ATP9A: variants seen among roughly 807,000 people sequenced by gnomAD.
The protein encoded by ATP9A is probable phospholipid-transporting ATPase IIA.
A neutral mutation model predicts 144.1 loss-of-function variants in ATP9A; 52 were observed. That is an observed-to-expected ratio of 0.36 (90% confidence interval 0.29 to 0.45). The LOEUF is 0.45. ATP9A is among the 20% of genes least tolerant of loss of function. The pLI is 1.00. For synonymous variants in ATP9A, 582 were observed against 557.4 expected (o/e 1.04, Z -0.62); for missense variants, 947 against 1,392.7 (o/e 0.68, Z 5.09).
intron 1 of ATP9A, among the ~76,000 whole-genome samples, chr20:51,739,349 C>CTTTT (rs749000986): frequency 7.4e-6 from 1 of 134,664 alleles, no homozygotes; most frequent in African/African-American, 2.7e-5. Context: ...TACACTCACT[C>CTTTT]TTTTTTTTTT....
intron 4 of ATP9A, among the ~76,000 whole-genome samples, chr20:51,701,080 A>G (rs1437736555): frequency 6.6e-6 from 1 of 152,136 alleles, no homozygotes; most frequent in Non-Finnish European, 1.5e-5. Flanking sequence ...AACTTTCCCA[A>G]ACATAAATTT....
At position 51,729,737 on chromosome 20, in the gene ATP9A, T is replaced by C. The variant is rs972952772; in HGVS notation, c.213+97A>G. 5.1e-6 allele frequency: 7 copies of C among 1,367,014 alleles called. No homozygotes were observed. In the African/African-American group the frequency reaches 9.1e-5, roughly 18 times the overall value. The allele number at this position is 1,367,014 out of a possible 1,614,324, so 84.7% of individuals were successfully genotyped here. On this transcript the variant is annotated intron_variant, in intron 2 of 27. Transcript: ENST00000338821. ...TCCAGCCTGGGCGACAGAGTAAGAC[T>C]CTGTCTAAAAAATAACATGACATGA...
At chr20:51,730,137 G>A (rs1425477514) in intron 1 of ATP9A, among the ~76,000 whole-genome samples, 159 bp from the exon 2 acceptor site, 2 of 152,212 alleles carry the variant, frequency 1.3e-5, no homozygotes, top group South Asian at 2.1e-4. Flanking sequence ...CAAGAAAACA[G>A]AGCAGAAGCT....
chr20:51,762,643 G>A (rs973740352), intron 1 of ATP9A, among the ~76,000 whole-genome samples: 13 of 150,750 alleles, frequency 8.6e-5, no homozygotes, highest in African/African-American at 3.2e-4. Flanking sequence ...TGGGTGACAA[G>A]AGCGAGACCC....
At chr20:51,703,728 T>C (rs1042801340) in intron 4 of ATP9A, among the ~76,000 whole-genome samples, 2 of 152,208 alleles carry the variant, frequency 1.3e-5, no homozygotes, top group African/African-American at 4.8e-5. Flanking sequence ...TCAGTCAAAC[T>C]GCAGAATAGC....
chr20:51,687,773 AAAAATGAATGAATGAAT>A (rs2077529601), intron 9 of ATP9A, among the ~76,000 whole-genome samples: 1 of 121,058 alleles, frequency 8.3e-6, no homozygotes, highest in Non-Finnish European at 1.9e-5. Flanking sequence ...CAAAAAAAAA[AAAAATGAATGAATGAAT>A]GAATGAATGA....
intron 10 of ATP9A, among the ~76,000 whole-genome samples, chr20:51,675,565 G>A (rs1009068922): frequency 1.3e-5 from 2 of 152,178 alleles, no homozygotes; most frequent in Non-Finnish European, 2.9e-5. Context: ...CAAACCGTAC[G>A]TGCTCCACAG....
At chr20:51,624,670 T>A (rs2077240585) in intron 18 of ATP9A, among the ~76,000 whole-genome samples, 1 of 151,886 alleles carries the variant, frequency 6.6e-6, no homozygotes, top group Non-Finnish European at 1.5e-5. Context: ...AGGGGAGTCA[T>A]CGGTACAGTA....
intron 21 of ATP9A, 106 bp downstream of exon 21, chr20:51,618,556 C>A (rs1337654684): frequency 1.4e-6 from 2 of 1,448,550 alleles, no homozygotes; most frequent in Non-Finnish European, 9.2e-7. Flanking sequence ...AACAAAGGGG[C>A]CTGGGGAATT....
chr20:51,723,163 C>T (rs1338006242), intron 3 of ATP9A, among the ~76,000 whole-genome samples: 4 of 152,142 alleles, frequency 2.6e-5, no homozygotes, highest in African/African-American at 9.7e-5. Flanking sequence ...GAAAACCAAA[C>T]ATCATATGTT....
Position 51,629,068 on chromosome 20 carries a change from T to C in ATP9A, c.1673A>G (p.Glu558Gly). The C allele has an allele frequency of 5.0e-6, 8 of 1,613,094 alleles. No homozygotes were observed. The highest frequency in any genetic ancestry group is 6.8e-6 in the Non-Finnish European group (8 of 1,179,036). Residue 558 changes from glutamate to glycine, a missense_variant, in exon 16 of 28, where the codon GAA becomes GGA. Glu to Gly is a moderately conservative substitution (Grantham distance 98, BLOSUM62 -2). Coordinates refer to ENST00000338821, the MANE Select transcript of ATP9A (RefSeq NM_006045.3). ...SKRMGIIVRD[E>G]STGEITFYMK... ...GTAAAACGTAATTTCTCCAGTTGAT[T>C]CATCCTAGAGAGGGAGGCCGGAAGG...
chr20:51,717,169 CAAAAAAAAA>C lies in ATP9A; in HGVS notation c.328-4104_328-4096del, dbSNP rs10577089. Among the ~76,000 whole-genome samples, 3 of 101,526 alleles carry C rather than the reference CAAAAAAAAA, an allele frequency of 3.0e-5. No homozygotes were observed. The South Asian group carries it at 1.1e-3, about 37-fold the overall frequency. The allele number at this position is 101,526 out of a possible 152,430, so 66.6% of individuals were successfully genotyped here. A position where few individuals can be genotyped will look rare whatever the true frequency, so the allele number is the denominator to read the frequency against. On this transcript the variant is annotated intron_variant, in intron 3 of 27. Coordinates refer to ENST00000338821, the MANE Select transcript of ATP9A (RefSeq NM_006045.3). ...CCTGGGTGACAGAGCAAGACTGCCT[CAAAAAAAAA>C]AAAAAAAAAAAAAGATCTAAACCCA...
chr20:51,662,779 A>T (rs1054915535), intron 13 of ATP9A, among the ~76,000 whole-genome samples: 1 of 151,726 alleles, frequency 6.6e-6, no homozygotes, highest in African/African-American at 2.4e-5. Flanking sequence ...AAGATTTTTT[A>T]AAATATACAC....
intron 1 of ATP9A, among the ~76,000 whole-genome samples, chr20:51,747,679 G>A (rs1314136838): frequency 6.6e-6 from 1 of 152,132 alleles, no homozygotes; most frequent in Non-Finnish European, 1.5e-5. Context: ...TGGGACTGTC[G>A]CCTTTCCCTG....
intron 1 of ATP9A, among the ~76,000 whole-genome samples, chr20:51,748,948 T>TAGATAGACAGAC (rs765791447): frequency 0.038 from 5,271 of 137,696 alleles, 120 homozygotes; most frequent in African/African-American, 0.045. Flanking sequence ...GATAGATAGA[T>TAGATAGACAGAC]AGACAGACAG....
rs539229256 is a variant in ATP9A at position 51,768,143 on chromosome 20, C to T, written c.68+159G>A. Among the ~76,000 whole-genome samples the T allele has an allele frequency of 2.6e-5, 4 of 151,880 alleles. No homozygotes were observed. The East Asian group carries it at 5.9e-4, about 22-fold the overall frequency. On this transcript the variant is annotated intron_variant, in intron 1 of 27. Transcript: ENST00000338821. ...CTAGGTGCCGCCCGGGGCTGAAGCG[C>T]AGGGACCCCCTCCCCACCTCCCCGC...
At chr20:51,713,332 G>A (rs1411517299) in intron 3 of ATP9A, among the ~76,000 whole-genome samples, 1 of 152,122 alleles carries the variant, frequency 6.6e-6, no homozygotes, top group Non-Finnish European at 1.5e-5. Flanking sequence ...ACACAAGCAC[G>A]TCCACATTCA....
chr20:51,672,011 G>T (rs1310016367), intron 11 of ATP9A, among the ~76,000 whole-genome samples: 1 of 151,920 alleles, frequency 6.6e-6, no homozygotes, highest in East Asian at 1.9e-4. Flanking sequence ...TGTTGCCCAG[G>T]CTGGTCTCAA....
intron 3 of ATP9A, among the ~76,000 whole-genome samples, chr20:51,725,355 C>T (rs967561262): frequency 1.3e-5 from 2 of 152,130 alleles, no homozygotes; most frequent in African/African-American, 4.8e-5. Context: ...CTCCTGGCCT[C>T]AGGTAATCCT....
Sources: allele counts gnomAD v4.1 joint callset (sites outside exome capture counted in the v4.1 genomes callset), GRCh38; gene constraint gnomAD v4.1.1; transcripts MANE v1.5; gene names NCBI Gene and HGNC (gene_info 2026-07-23, HGNC 2026-07-21).